The following RGS10 variants were observed in gnomAD, a reference collection of about 807,000 sequenced individuals.
RGS10 encodes regulator of G-protein signalling 10.
In RGS10, 11 loss-of-function variants were observed where a neutral mutation model predicts 23.5. The ratio of observed to expected loss-of-function variants is 0.47; its 90% CI spans 0.29 to 0.77. The LOEUF (loss-of-function observed/expected upper bound fraction) is 0.77, where lower values mean the gene tolerates loss of function less well. Ranked by LOEUF, RGS10 falls within the 30% of genes least tolerant of loss-of-function variation. The probability of loss-of-function intolerance (pLI) is 0.08; values close to 1 mark genes in which losing one functional copy is unlikely to be tolerated. For synonymous variants in RGS10, 77 were observed against 83.2 expected (o/e 0.92, Z 0.41); for missense variants, 180 against 226.3 (o/e 0.80, Z 1.31).
chr10:119,525,798 T>C (rs951338844), intron 3 of RGS10, among the ~76,000 whole-genome samples: 2 of 152,232 alleles, frequency 1.3e-5, no homozygotes, highest in Non-Finnish European at 2.9e-5. Context: ...CTAAGTGACA[T>C]AAATTGTTAT....
chr10:119,536,561 G>C (rs576344874), intron 1 of RGS10: 40 of 1,556,754 alleles, frequency 2.6e-5, no homozygotes, highest in Non-Finnish European at 3.4e-5. Context: ...AGACTGGAGG[G>C]CTCCCGAGCA....
chr10:119,525,501 C>T (rs1229948332), intron 3 of RGS10, among the ~76,000 whole-genome samples: 1 of 152,194 alleles, frequency 6.6e-6, no homozygotes, highest in African/African-American at 2.4e-5. Context: ...CCCATAATCT[C>T]ATCTACCCTC....
At chr10:119,542,454 G>T in intron 1 of RGS10, 136 bp downstream of exon 1, 1 of 666,240 alleles carries the variant, frequency 1.5e-6, no homozygotes, top group Non-Finnish European at 2.2e-6. Flanking sequence ...CCAGCGGGGA[G>T]AGGTGGTGCG....
At position 119,542,710 on chromosome 10, in the gene RGS10, G is replaced by GGAGGAGGAGGGC. The variant is rs1844448146; in HGVS notation, c.-73_-72insGCCCTCCTCCTC. On this transcript the variant is annotated 5_prime_UTR_variant, in exon 1 of 5. Transcript: ENST00000369103. Reference sequence around the variant, plus strand: ...CGGCTGAGCCGGAGGAAGGCGAGGAGGAGGAGGAGGGCGAGGAGGAGGAGG... The same window carrying GGAGGAGGAGGGC: ...CGGCTGAGCCGGAGGAAGGCGAGGAGGAGGAGGAGGGCGAGGAGGAGGGCGAGGAGGAGGAGG... The GGAGGAGGAGGGC allele has an allele frequency of 7.9e-7, 1 of 1,270,670 alleles. No individual in the cohort carries two copies. The highest frequency in any genetic ancestry group is 1.0e-6 in the Non-Finnish European group (1 of 987,046). 78.7% of individuals were successfully genotyped at this position (1,270,670 alleles called of 1,614,324 possible).
In RGS10 at chr10:119,512,944, A is replaced by G. The variant is rs975284942; in HGVS notation, c.399+2565T>C. ...CTGTTTGGTGTGCATAAACATATAC[A>G]TTATTATTACACTTATTAGGCCACA... On this transcript the variant is annotated intron_variant, in intron 4 of 4. Coordinates refer to ENST00000369103, the MANE Select transcript of RGS10 (RefSeq NM_001005339.2). 2.6e-5 allele frequency among the ~76,000 whole-genome samples: 4 copies of G among 152,212 alleles called. No individual in the cohort carries two copies. In the South Asian group the frequency reaches 6.2e-4, roughly 24 times the overall value.
chr10:119,518,317 G>C (rs1844169806), intron 3 of RGS10, among the ~76,000 whole-genome samples: 1 of 152,172 alleles, frequency 6.6e-6, no homozygotes, highest in Admixed American at 6.5e-5. Context: ...GCAGGTGCTG[G>C]AGAGGGCCCC....
At chr10:119,530,024 G>A (rs571162686) in intron 1 of RGS10, among the ~76,000 whole-genome samples, 6 of 152,292 alleles carry the variant, frequency 3.9e-5, no homozygotes, top group African/African-American at 1.2e-4. Flanking sequence ...CCCGGGAGGC[G>A]GAGGTTGCAG....
rs367568350 is a variant in RGS10 at position 119,519,107 on chromosome 10, A to G, written c.256-3455T>C. 4.6e-5 allele frequency among the ~76,000 whole-genome samples: 7 copies of G among 152,198 alleles called. No individual in the cohort carries two copies. In the East Asian group the frequency reaches 5.8e-4, roughly 13 times the overall value. On this transcript the variant is annotated intron_variant, in intron 3 of 4. Transcript: ENST00000369103. ...GCTACACACAGGCTTCCGCCCAGCC[A>G]GCGCTGCTCCACCAGCCGGCTGACG...
intron 4 of RGS10, among the ~76,000 whole-genome samples, chr10:119,507,151 G>T (rs566110719): frequency 6.6e-6 from 1 of 152,070 alleles, no homozygotes; most frequent in Admixed American, 6.6e-5. Context: ...CCTTTCTAGC[G>T]GAGCATGCTG....
At chr10:119,531,640 C>A (rs903909560) in intron 1 of RGS10, among the ~76,000 whole-genome samples, 1 of 152,150 alleles carries the variant, frequency 6.6e-6, no homozygotes, top group Non-Finnish European at 1.5e-5. Context: ...CCACCTCCCC[C>A]ACCACCTCAT....
intron 4 of RGS10, 114 bp downstream of exon 4, chr10:119,515,385 CGGTCTGCCCG>C: frequency 8.5e-7 from 1 of 1,174,036 alleles, no homozygotes. Context: ...CAGTGTACCT[CGGTCTGCCCG>C]GCCGTATGAG....
At chr10:119,507,954 T>C (rs1305756181) in intron 4 of RGS10, among the ~76,000 whole-genome samples, 1 of 152,078 alleles carries the variant, frequency 6.6e-6, no homozygotes, top group Non-Finnish European at 1.5e-5. Flanking sequence ...TAGCACCAGA[T>C]CCAAAGCCTC....
At chr10:119,510,415 C>T (rs1270155625) in intron 4 of RGS10, among the ~76,000 whole-genome samples, 5 of 152,186 alleles carry the variant, frequency 3.3e-5, no homozygotes, top group African/African-American at 4.8e-5. Flanking sequence ...ATCCAGATCC[C>T]GCTTGCCATT....
At chr10:119,539,469 G>A (rs1242169844) in intron 1 of RGS10, among the ~76,000 whole-genome samples, 1 of 152,162 alleles carries the variant, frequency 6.6e-6, no homozygotes, top group Non-Finnish European at 1.5e-5. Flanking sequence ...TGGCATCTCA[G>A]ATGGGCATAT....
chr10:119,541,087 C>G (rs953826752), intron 1 of RGS10, among the ~76,000 whole-genome samples: 1 of 152,324 alleles, frequency 6.6e-6, no homozygotes, highest in Admixed American at 6.5e-5. Flanking sequence ...CTCTTGCAAG[C>G]CAGTTTGAGC....
intron 4 of RGS10, among the ~76,000 whole-genome samples, chr10:119,510,700 A>T (rs3009913): frequency 1 from 151,648 of 152,252 alleles, 75,527 homozygotes; most frequent in Middle Eastern, 1. Context: ...CTGAATCAAA[A>T]CTCCTAGGAA....
At chr10:119,505,322 C>CTTTTTTTTTTT in intron 4 of RGS10, among the ~76,000 whole-genome samples, 1 of 90,076 alleles carries the variant, frequency 1.1e-5, no homozygotes, top group Non-Finnish European at 2.1e-5. Flanking sequence ...CATTCTGCAT[C>CTTTTTTTTTTT]TTTTTTTTTT....
chr10:119,542,150 C>A (rs546940912), intron 1 of RGS10, among the ~76,000 whole-genome samples: 151 of 152,296 alleles, frequency 9.9e-4, no homozygotes, highest in South Asian at 3.1e-3. Flanking sequence ...GCCCAGGGGC[C>A]CAGTCGGATG....
In RGS10 at chr10:119,538,192, G is replaced by A. The variant is rs1264486768; in HGVS notation, c.49+4398C>T. Among the ~76,000 whole-genome samples, 1 of 152,178 alleles carries A rather than the reference G, an allele frequency of 6.6e-6. No homozygotes were observed. Reference sequence around the variant, plus strand: ...GAGGAGAGAGGGATGGAGGAAGGGAGGAAAGTTGTCAGCTCCACATTCATT... The same window carrying A: ...GAGGAGAGAGGGATGGAGGAAGGGAAGAAAGTTGTCAGCTCCACATTCATT... On this transcript the variant is annotated intron_variant, in intron 1 of 4. Transcript: ENST00000369103. This position sits in a 1 kb window ranked among gnomAD's most constrained non-coding sequence, Gnocchi z 4.5.
Sources: allele counts gnomAD v4.1 joint callset (sites outside exome capture counted in the v4.1 genomes callset), GRCh38; gene constraint gnomAD v4.1.1; non-coding constraint Gnocchi (gnomAD v3.1); transcripts MANE v1.5; gene names NCBI Gene and HGNC (gene_info 2026-07-23, HGNC 2026-07-21).